Variants in MYT1L observed in about 807,000 individuals in gnomAD.
MYT1L encodes myelin transcription factor 1 like, also known as myelin transcription factor 1-like protein.
In MYT1L, 12 loss-of-function variants were observed where a neutral mutation model predicts 126.7. That is an observed-to-expected ratio of 0.09 (90% confidence interval 0.06 to 0.15). The LOEUF (loss-of-function observed/expected upper bound fraction) is 0.15, where lower values mean the gene tolerates loss of function less well. Ranked by LOEUF, MYT1L falls within the 10% of genes least tolerant of loss-of-function variation. The probability of loss-of-function intolerance (pLI) is 1.00; values close to 1 mark genes in which losing one functional copy is unlikely to be tolerated. For missense variants in MYT1L, 979 were observed against 1,585.2 expected (o/e 0.62, Z 6.49); for synonymous variants, 541 against 604.2 (o/e 0.90, Z 1.53).
chr2:2,031,459 CG>C, intron 4 of MYT1L, among the ~76,000 whole-genome samples: 13 of 143,540 alleles, frequency 9.1e-5, no homozygotes, highest in South Asian at 2.5e-4. Flanking sequence ...ACACACCCCT[CG>C]CCAGTGCCTC....
At position 1,917,119 on chromosome 2, in the gene MYT1L, T is replaced by C. The variant is rs2052955582; in HGVS notation, c.1618+86A>G. 20 of 1,496,728 alleles carry C rather than the reference T, an allele frequency of 1.3e-5. No individual in the cohort carries two copies. Among genetic ancestry groups the C allele is most frequent in the Non-Finnish European group, 1.7e-5 (19 of 1,098,536 alleles). 92.7% of individuals were successfully genotyped at this position (1,496,728 alleles called of 1,614,324 possible). A position where few individuals can be genotyped will look rare whatever the true frequency, so the allele number is the denominator to read the frequency against. On this transcript the variant is annotated intron_variant, in intron 11 of 24. Coordinates refer to ENST00000647738, the MANE Select transcript of MYT1L (RefSeq NM_001303052.2). This position sits in a 1 kb window ranked among gnomAD's most constrained non-coding sequence, Gnocchi z 5.9. ...AATCAGGTCGCACCGAGCCGTACAA[T>C]GGAGATGATGTCAGGTAAGAGGGAT...
intron 1 of MYT1L, among the ~76,000 whole-genome samples, chr2:2,302,603 A>G (rs1559608623): frequency 1.3e-5 from 2 of 152,182 alleles, no homozygotes; most frequent in African/African-American, 2.4e-5. Flanking sequence ...CTTACAATGA[A>G]CAATGAGTTC....
chr2:1,815,188 C>G (rs1459732520), intron 21 of MYT1L, among the ~76,000 whole-genome samples: 8 of 152,192 alleles, frequency 5.3e-5, no homozygotes, highest in African/African-American at 1.9e-4. Flanking sequence ...CCGGCCGCCA[C>G]AGGCCTGGCT....
At chr2:2,126,517 CCA>C (rs1221997404) in intron 3 of MYT1L, among the ~76,000 whole-genome samples, 1 of 152,092 alleles carries the variant, frequency 6.6e-6, no homozygotes, top group Admixed American at 6.6e-5. Flanking sequence ...CAGCCCCTTG[CCA>C]TAGGGTGGGT....
intron 14 of MYT1L, 33 bp downstream of exon 14, chr2:1,903,047 T>A: frequency 6.4e-7 from 1 of 1,569,494 alleles, no homozygotes; most frequent in African/African-American, 1.3e-5. Context: ...AATGGCAACG[T>A]GTCTCTCATG....
intron 2 of MYT1L, among the ~76,000 whole-genome samples, chr2:2,232,188 C>A (rs1010189041): frequency 6.6e-6 from 1 of 152,140 alleles, no homozygotes; most frequent in Non-Finnish European, 1.5e-5. Context: ...TGGCTGAGTG[C>A]ATAACAGGTA....
chr2:2,111,742 CTT>C (rs1337524460), intron 3 of MYT1L, among the ~76,000 whole-genome samples: 6 of 152,140 alleles, frequency 3.9e-5, no homozygotes, highest in African/African-American at 1.4e-4. Flanking sequence ...AATATTTTCT[CTT>C]TCTTTATCTC....
intron 5 of MYT1L, among the ~76,000 whole-genome samples, chr2:1,987,339 T>A (rs1020949687): frequency 2.0e-5 from 3 of 152,086 alleles, no homozygotes; most frequent in Non-Finnish European, 4.4e-5. Flanking sequence ...TTCTGTTTTT[T>A]GTTTTTTTCT....
intron 4 of MYT1L, among the ~76,000 whole-genome samples, chr2:2,003,099 C>T (rs555310142): frequency 1.4e-4 from 21 of 152,228 alleles, no homozygotes; most frequent in South Asian, 1.2e-3. Context: ...GTCAACCCCA[C>T]GGTAAGCTTA....
chr2:2,206,139 C>T (rs937612079), intron 2 of MYT1L, among the ~76,000 whole-genome samples: 3 of 151,924 alleles, frequency 2.0e-5, no homozygotes, highest in African/African-American at 2.4e-5. Flanking sequence ...CACACCACCA[C>T]GCCCAGCTAA....
chr2:1,799,621 A>C (rs2034458483), intron 23 of MYT1L, among the ~76,000 whole-genome samples: 1 of 152,252 alleles, frequency 6.6e-6, no homozygotes, highest in Non-Finnish European at 1.5e-5. Context: ...TGGACAGACA[A>C]GGGCATTCTG....
In MYT1L at chr2:1,997,266, C is replaced by G. The variant is rs538658989; in HGVS notation, c.-76G>C. 6.5e-6 allele frequency: 1 copy of G among 152,842 alleles called. No individual in the cohort carries two copies. Among genetic ancestry groups the G allele is most frequent in the Non-Finnish European group, 1.5e-5 (1 of 68,112 alleles). The allele number at this position is 152,842 out of a possible 1,614,324, so 9.5% of individuals were successfully genotyped here. A position where few individuals can be genotyped will look rare whatever the true frequency, so the allele number is the denominator to read the frequency against. On this transcript the variant is annotated 5_prime_UTR_variant, in exon 5 of 25. Coordinates refer to ENST00000647738, the MANE Select transcript of MYT1L (RefSeq NM_001303052.2). Reference sequence around the variant, plus strand: ...GGACGCAGGCCCAGAGTCAGGGGCTCGCTCTAAGCTCTACTCCTGGTCCTC... The same window carrying G: ...GGACGCAGGCCCAGAGTCAGGGGCTGGCTCTAAGCTCTACTCCTGGTCCTC...
chr2:2,254,545 G>A (rs559697283), intron 2 of MYT1L, among the ~76,000 whole-genome samples: 2 of 152,208 alleles, frequency 1.3e-5, no homozygotes, highest in Non-Finnish European at 2.9e-5. Context: ...AGTGGTTGTT[G>A]TGAAGATTAG....
intron 21 of MYT1L, among the ~76,000 whole-genome samples, chr2:1,834,732 A>G (rs2040600676): frequency 6.6e-6 from 1 of 152,190 alleles, no homozygotes; most frequent in South Asian, 2.1e-4. Flanking sequence ...AGACGGAAGA[A>G]TTGGAGAGAT....
At chr2:1,900,456 C>T (rs188613559) in intron 14 of MYT1L, among the ~76,000 whole-genome samples, 124 of 152,260 alleles carry the variant, frequency 8.1e-4, no homozygotes, top group African/African-American at 2.8e-3. Flanking sequence ...CCCGCCACCA[C>T]GCCTGGCTAA....
rs2035613563 is a variant in MYT1L at position 1,805,838 on chromosome 2, A to G, written c.3172+3238T>C. Among the ~76,000 whole-genome samples the G allele has an allele frequency of 2.6e-5, 4 of 152,190 alleles. 1 individual carries two copies. The highest frequency in any genetic ancestry group is 4.1e-4 in the South Asian group (2 of 4,832). ...GAGGCGGAGGTTGCAGTAAGCCAAG[A>G]TGGTGCTACTGCTCTCCAGCCTGGG... On this transcript the variant is annotated intron_variant, in intron 22 of 24. Transcript: ENST00000647738.
At chr2:2,248,505 G>A (rs1027003933) in intron 2 of MYT1L, among the ~76,000 whole-genome samples, 1 of 151,924 alleles carries the variant, frequency 6.6e-6, no homozygotes. Flanking sequence ...GAGGAAAAGG[G>A]AATACTTCCA....
chr2:1,966,297 C>G (rs369447146), intron 8 of MYT1L, among the ~76,000 whole-genome samples: 2 of 152,320 alleles, frequency 1.3e-5, no homozygotes, highest in Non-Finnish European at 2.9e-5. Context: ...AATTTTCTAG[C>G]AAAGGCATTG....
intron 2 of MYT1L, among the ~76,000 whole-genome samples, chr2:2,214,211 T>C (rs1318811254): frequency 1.3e-5 from 2 of 151,934 alleles, no homozygotes; most frequent in South Asian, 2.1e-4. Flanking sequence ...TGGTCTCATA[T>C]ACATGTAATC....
Sources: allele counts gnomAD v4.1 joint callset (sites outside exome capture counted in the v4.1 genomes callset), GRCh38; gene constraint gnomAD v4.1.1; non-coding constraint Gnocchi (gnomAD v3.1); transcripts MANE v1.5; gene names NCBI Gene and HGNC (gene_info 2026-07-23, HGNC 2026-07-21).